PPP1CC: variants seen among roughly 807,000 people sequenced by gnomAD.
The protein encoded by PPP1CC is protein phosphatase 1 catalytic subunit gamma.
Under a neutral mutation model 38.4 loss-of-function variants are expected in PPP1CC, and 16 were observed. The observed-to-expected ratio is 0.42, with a 90% CI of 0.28 to 0.63. PPP1CC has a LOEUF of 0.63. Among genes scored for constraint, PPP1CC ranks in the 30% least tolerant of loss-of-function variants. The probability of loss-of-function intolerance (pLI) is 0.25; values close to 1 mark genes in which losing one functional copy is unlikely to be tolerated. For missense variants in PPP1CC, 170 were observed against 391.3 expected, an observed-to-expected ratio of 0.43 and a Z score of 4.77; for synonymous variants, 158 against 136.0, an observed-to-expected ratio of 1.16 and a Z score of -1.13.
At chr12:110,713,979 G>A in the PPP1CC span, among the ~76,000 whole-genome samples, 1 of 152,080 alleles carries the variant, frequency 6.6e-6, no homozygotes, top group Non-Finnish European at 1.5e-5. Context: ...GGCACCTGTA[G>A]TTCCAGCTAC....
intron 1 of PPP1CC, among the ~76,000 whole-genome samples, chr12:110,740,960 T>C (rs76795389): frequency 0.029 from 4,363 of 152,202 alleles, 210 homozygotes; most frequent in African/African-American, 0.098. Context: ...AGAAAGAAAA[T>C]ATTTAACAAA....
At chr12:110,735,599 T>C (rs563793938) in intron 1 of PPP1CC, among the ~76,000 whole-genome samples, 6 of 151,486 alleles carry the variant, frequency 4.0e-5, no homozygotes, top group African/African-American at 1.5e-4. Flanking sequence ...CTGGCCAACA[T>C]GGTGAAACCC....
chr12:110,742,585 C>T, intron 1 of PPP1CC, 68 bp downstream of exon 1: 1 of 1,315,260 alleles, frequency 7.6e-7, no homozygotes, highest in Non-Finnish European at 9.9e-7. Context: ...TCCCCTCCCT[C>T]GAGCCCCCGG....
chr12:110,728,091 T>A (rs2069823016), intron 3 of PPP1CC, among the ~76,000 whole-genome samples: 1 of 152,206 alleles, frequency 6.6e-6, no homozygotes, highest in Non-Finnish European at 1.5e-5. Flanking sequence ...AACAGCTATG[T>A]AAAAGGAATC....
At chr12:110,732,175 G>A (rs1215418486) in intron 1 of PPP1CC, 6 of 511,732 alleles carry the variant, frequency 1.2e-5, no homozygotes, top group African/African-American at 1.9e-5. Context: ...CAGGACTGCA[G>A]GCCAGATGCA....
intron 1 of PPP1CC, among the ~76,000 whole-genome samples, chr12:110,742,066 G>A (rs2070023191): frequency 6.6e-6 from 1 of 152,034 alleles, no homozygotes; most frequent in South Asian, 2.1e-4. Flanking sequence ...AAAGGATTTG[G>A]AGGGCAGGCG....
downstream of PPP1CC, among the ~76,000 whole-genome samples, chr12:110,719,328 C>A (rs1481799545): frequency 6.6e-6 from 1 of 152,150 alleles, no homozygotes; most frequent in African/African-American, 2.4e-5. Flanking sequence ...TGGCCCTGTG[C>A]TCTTCTGTGT....
chr12:110,723,203 C>G (rs1039747397), intron 4 of PPP1CC, among the ~76,000 whole-genome samples: 4 of 152,064 alleles, frequency 2.6e-5, no homozygotes, highest in Non-Finnish European at 4.4e-5. Context: ...GTATCCAACT[C>G]TACCAAAACC....
intron 1 of PPP1CC, among the ~76,000 whole-genome samples, chr12:110,741,613 C>A (rs1463479740): frequency 6.6e-6 from 1 of 152,134 alleles, no homozygotes; most frequent in Non-Finnish European, 1.5e-5. Flanking sequence ...TTAGATGAGC[C>A]GAAATTTAAA....
chr12:110,737,206 G>A (rs757533216), intron 1 of PPP1CC, among the ~76,000 whole-genome samples: 6 of 152,092 alleles, frequency 3.9e-5, no homozygotes, highest in Non-Finnish European at 5.9e-5. Context: ...GGCCGGATGC[G>A]GTGTCTAACG....
chr12:110,721,373 G>A (rs1483735468), intron 6 of PPP1CC: 2 of 445,778 alleles, frequency 4.5e-6, no homozygotes, highest in Admixed American at 3.7e-5. Flanking sequence ...CTATTATCTG[G>A]ACAAATTATT....
intron 1 of PPP1CC, among the ~76,000 whole-genome samples, 157 bp downstream of exon 1, chr12:110,742,496 C>T (rs1030649397): frequency 1.3e-5 from 2 of 152,214 alleles, no homozygotes; most frequent in Non-Finnish European, 2.9e-5. Context: ...TGGCCTCCCT[C>T]CGGCTGCAGT....
the PPP1CC span, among the ~76,000 whole-genome samples, chr12:110,712,248 A>C: frequency 6.6e-6 from 1 of 152,128 alleles, no homozygotes; most frequent in East Asian, 1.9e-4. Context: ...CATACTTCTC[A>C]CAATGTATTC....
intron 1 of PPP1CC, 64 bp downstream of exon 1, chr12:110,742,589 C>T (rs1370702377): frequency 2.3e-6 from 3 of 1,323,710 alleles, no homozygotes; most frequent in Non-Finnish European, 3.0e-6. Flanking sequence ...CTCCCTCGAG[C>T]CCCCGGGGCC....
downstream of PPP1CC, among the ~76,000 whole-genome samples, chr12:110,717,722 T>C (rs775714577): frequency 2.0e-5 from 3 of 152,176 alleles, no homozygotes; most frequent in Non-Finnish European, 4.4e-5. Context: ...GAAGTTTTCT[T>C]TAATGTCTTC....
intron 3 of PPP1CC, among the ~76,000 whole-genome samples, 176 bp downstream of exon 3, chr12:110,730,353 C>T (rs897678250): frequency 1.3e-5 from 2 of 152,102 alleles, no homozygotes; most frequent in Non-Finnish European, 2.9e-5. Flanking sequence ...AGTGAGACTC[C>T]GTTCCCCCAC....
Position 110,735,245 on chromosome 12 carries a change from A to G in PPP1CC, c.56-3344T>C, listed in dbSNP as rs80234710. 1.7e-3 allele frequency among the ~76,000 whole-genome samples: 261 copies of G among 151,734 alleles called. 6 individuals are homozygous for G. In the East Asian group the frequency reaches 0.046, roughly 27 times the overall value. On this transcript the variant is annotated intron_variant, in intron 1 of 6. Transcript: ENST00000335007. ...ACTTCACTATTTTCAATGTCCATCA[A>G]ACAGAATTATTTACTCGTTGTAGTT... is the stretch of plus-strand genomic sequence containing the variant.
At chr12:110,721,299 T>A (rs1315147398) in intron 6 of PPP1CC, 134 bp from the exon 7 acceptor site, 4 of 640,270 alleles carry the variant, frequency 6.2e-6, no homozygotes, top group Non-Finnish European at 1.1e-5. Context: ...CCCCCTAGCA[T>A]ATTAACACAA....
downstream of PPP1CC, among the ~76,000 whole-genome samples, chr12:110,717,728 T>G (rs867454108): frequency 1.2e-4 from 18 of 152,158 alleles, no homozygotes; most frequent in African/African-American, 3.6e-4. Flanking sequence ...TTCTTTAATG[T>G]CTTCTATAGA....
Sources: allele counts gnomAD v4.1 joint callset (sites outside exome capture counted in the v4.1 genomes callset), GRCh38; gene constraint gnomAD v4.1.1; transcripts MANE v1.5; gene names NCBI Gene and HGNC (gene_info 2026-07-23, HGNC 2026-07-21).